Variants in TMEM108 observed in about 807,000 individuals in gnomAD.
TMEM108 encodes cancer/testis antigen 124.
Under a neutral mutation model 35.1 loss-of-function variants are expected in TMEM108, and 12 were observed. The observed-to-expected ratio is 0.34, with a 90% CI of 0.22 to 0.55. The LOEUF is 0.55. TMEM108 is among the 20% of genes least tolerant of loss of function. The pLI is 0.89. For missense variants in TMEM108, 680 were observed against 753.3 expected (o/e 0.90, Z 1.14); for synonymous variants, 287 against 308.6 (o/e 0.93, Z 0.73).
rs1462035234 is a variant in TMEM108, at chr3:133,396,746, C to T, written c.*760C>T. ...AACACCCACATCTGCATTAAACACCCGTGCCTTTCTCTTGGAGAGGGTTTA... is the reference window on the plus strand; with the variant it reads ...AACACCCACATCTGCATTAAACACCTGTGCCTTTCTCTTGGAGAGGGTTTA... On this transcript the variant is annotated 3_prime_UTR_variant, in exon 6 of 6. Transcript: ENST00000321871. 6.6e-6 allele frequency: 1 copy of T among 152,150 alleles called. No individual in the cohort carries two copies. The highest frequency in any genetic ancestry group is 1.5e-5 in the Non-Finnish European group (1 of 68,042). 9.4% of individuals were successfully genotyped at this position (152,150 alleles called of 1,614,324 possible).
At chr3:133,091,160 T>C (rs1943942794) in intron 2 of TMEM108, among the ~76,000 whole-genome samples, 1 of 152,202 alleles carries the variant, frequency 6.6e-6, no homozygotes, top group East Asian at 1.9e-4. Context: ...ATTTCCTAGA[T>C]TCTTAGATAA....
At chr3:133,252,208 C>T (rs963981018) in intron 3 of TMEM108, among the ~76,000 whole-genome samples, 12 of 152,092 alleles carry the variant, frequency 7.9e-5, no homozygotes, top group African/African-American at 2.9e-4. Context: ...AAACATGATT[C>T]ATTTCAACTC....
intron 2 of TMEM108, among the ~76,000 whole-genome samples, chr3:133,097,485 TTTACAG>T (rs1345669773): frequency 2.0e-5 from 3 of 152,164 alleles, no homozygotes; most frequent in African/African-American, 7.2e-5. Flanking sequence ...TATAAGTTGA[TTTACAG>T]TTACAGATTC....
chr3:133,326,113 C>CA (rs948405807), intron 3 of TMEM108, among the ~76,000 whole-genome samples: 1 of 152,118 alleles, frequency 6.6e-6, no homozygotes, highest in East Asian at 1.9e-4. Flanking sequence ...AAAAGTAAAA[C>CA]AAAAAAACAC....
chr3:133,191,785 G>A (rs1945501601), intron 2 of TMEM108, among the ~76,000 whole-genome samples: 1 of 152,146 alleles, frequency 6.6e-6, no homozygotes, highest in South Asian at 2.1e-4. Flanking sequence ...TTAGAAGCTA[G>A]GAGGTAGAGG....
chr3:133,229,391 A>C (rs1358008234), intron 3 of TMEM108, 40 bp downstream of exon 3: 1 of 1,598,542 alleles, frequency 6.3e-7, no homozygotes, highest in Non-Finnish European at 8.6e-7. Context: ...AAAATATACT[A>C]ATGTTATTAT....
At chr3:133,062,911 A>G (rs1201236505) in intron 2 of TMEM108, among the ~76,000 whole-genome samples, 1 of 152,190 alleles carries the variant, frequency 6.6e-6, no homozygotes, top group Non-Finnish European at 1.5e-5. Context: ...GGTCCACACT[A>G]GAGTGGGGAT....
At chr3:133,125,469 G>T (rs918067274) in intron 2 of TMEM108, among the ~76,000 whole-genome samples, 1 of 152,062 alleles carries the variant, frequency 6.6e-6, no homozygotes, top group African/African-American at 2.4e-5. Context: ...CTGATTAATT[G>T]ATTATCCAGC....
chr3:133,275,671 C>A (rs1351763676), intron 3 of TMEM108, among the ~76,000 whole-genome samples: 1 of 151,982 alleles, frequency 6.6e-6, no homozygotes, highest in Non-Finnish European at 1.5e-5. Flanking sequence ...TTTATTAATA[C>A]CCCAGGGGGA....
intron 2 of TMEM108, among the ~76,000 whole-genome samples, chr3:133,061,973 T>C (rs1334216889): frequency 1.3e-5 from 2 of 152,226 alleles, no homozygotes; most frequent in Admixed American, 6.5e-5. Context: ...TTGGGGCATG[T>C]ATTTTTCAAA....
At chr3:133,167,270 A>C (rs771381931) in intron 2 of TMEM108, among the ~76,000 whole-genome samples, 40 of 152,246 alleles carry the variant, frequency 2.6e-4, no homozygotes, top group Non-Finnish European at 4.3e-4. Context: ...CTCCAGCTAG[A>C]CAATCCTCCA....
At chr3:133,157,671 A>G (rs1576350670) in intron 2 of TMEM108, among the ~76,000 whole-genome samples, 1 of 152,162 alleles carries the variant, frequency 6.6e-6, no homozygotes, top group East Asian at 1.9e-4. Flanking sequence ...TAAGGATAGC[A>G]AGTTCTCTTG....
intron 2 of TMEM108, among the ~76,000 whole-genome samples, chr3:133,225,042 ATTTTTTTTTTTT>A (rs11347955): frequency 3.5e-5 from 4 of 112,938 alleles, no homozygotes; most frequent in African/African-American, 1.4e-4. Context: ...AAACCTCCTA[ATTTTTTTTTTTT>A]TTTTTTTTGA....
chr3:133,251,647 G>A (rs966348252), intron 3 of TMEM108, among the ~76,000 whole-genome samples: 6 of 152,066 alleles, frequency 3.9e-5, no homozygotes, highest in Non-Finnish European at 7.4e-5. Flanking sequence ...AAGAGATATT[G>A]GATAGGTATC....
At chr3:133,206,850 C>T (rs1450971078) in intron 2 of TMEM108, among the ~76,000 whole-genome samples, 1 of 152,224 alleles carries the variant, frequency 6.6e-6, no homozygotes, top group Non-Finnish European at 1.5e-5. Context: ...ATCCACTGCT[C>T]CCTTCAGAGC....
chr3:133,320,120 C>T (rs2071248086), intron 3 of TMEM108, among the ~76,000 whole-genome samples: 1 of 151,998 alleles, frequency 6.6e-6, no homozygotes, highest in Admixed American at 6.6e-5. Context: ...AAACAAGGTT[C>T]TATAACACTC....
intron 4 of TMEM108, chr3:133,387,454 G>A: frequency 6.1e-6 from 6 of 985,464 alleles, no homozygotes; most frequent in Non-Finnish European, 7.2e-6. Context: ...GCGTGGAGCA[G>A]AACTTTCTGT....
intron 2 of TMEM108, among the ~76,000 whole-genome samples, chr3:133,206,890 A>G (rs1331095636): frequency 2.0e-5 from 3 of 152,212 alleles, no homozygotes; most frequent in Admixed American, 2.0e-4. Flanking sequence ...AGTCTGCTGA[A>G]GCTGGGCCCA....
chr3:133,362,413 C>G (rs1046315838), intron 3 of TMEM108, among the ~76,000 whole-genome samples: 2 of 152,154 alleles, frequency 1.3e-5, no homozygotes, highest in African/African-American at 4.8e-5. Flanking sequence ...CCCAGGGAAA[C>G]AAATGTGGCC....
Sources: gnomAD v4.1 joint callset for allele counts (sites outside exome capture counted in the v4.1 genomes callset) on GRCh38, gnomAD v4.1.1 for gene constraint, MANE v1.5 for transcripts, NCBI Gene and HGNC (gene_info 2026-07-23, HGNC 2026-07-21) for gene names.